Variants in RGS5 observed in about 807,000 individuals in gnomAD.
RGS5 encodes regulator of G protein signaling 5, also known as regulator of G-protein signalling 5.
RGS5 carries 20 observed loss-of-function variants against 18.9 expected under a neutral mutation model. That is an observed-to-expected ratio of 1.06 (90% CI 0.74 to 1.54). RGS5 has a LOEUF of 1.54. Ranked by LOEUF, RGS5 falls within the 40% of genes most tolerant of loss-of-function variation. The pLI is 0.00. For missense variants in RGS5, 201 were observed against 211.8 expected (o/e 0.95, Z 0.32); for synonymous variants, 57 against 76.2 (o/e 0.75, Z 1.31).
At chr1:163,288,972 C>A (rs1237477081) in intron 2 of RGS5, among the ~76,000 whole-genome samples, 1 of 152,128 alleles carries the variant, frequency 6.6e-6, no homozygotes, top group South Asian at 2.1e-4. Flanking sequence ...TTGGTATATT[C>A]CAGTATGACC....
At chr1:163,289,495 T>C (rs2101724316) in intron 2 of RGS5, among the ~76,000 whole-genome samples, 1 of 152,240 alleles carries the variant, frequency 6.6e-6, no homozygotes, top group South Asian at 2.1e-4. Flanking sequence ...TTCACCTTTT[T>C]AAATATCTTT....
At chr1:163,248,487 CT>C (rs1424072057) in intron 2 of RGS5, 1 of 152,126 alleles carries the variant, frequency 6.6e-6, no homozygotes, top group Non-Finnish European at 1.5e-5. Context: ...TATCCTTAAT[CT>C]TTATTTTACA....
chr1:163,290,781 T>C (rs1157837586), intron 2 of RGS5, among the ~76,000 whole-genome samples: 1 of 152,130 alleles, frequency 6.6e-6, no homozygotes, highest in Non-Finnish European at 1.5e-5. Context: ...ATATCTTCAC[T>C]AAATAGAGGA....
intron 2 of RGS5, among the ~76,000 whole-genome samples, chr1:163,274,147 C>T (rs982339374): frequency 1.3e-5 from 2 of 152,104 alleles, no homozygotes; most frequent in African/African-American, 4.8e-5. Context: ...CCTTTGTAAT[C>T]ATAATGAGCC....
chr1:163,292,082 CATG>C (rs1200736199), intron 2 of RGS5, among the ~76,000 whole-genome samples: 2 of 152,002 alleles, frequency 1.3e-5, no homozygotes, highest in Non-Finnish European at 2.9e-5. Flanking sequence ...AAACATGTGC[CATG>C]ATGGTTTGCT....
At chr1:163,261,142 C>A (rs562848635) in intron 2 of RGS5, among the ~76,000 whole-genome samples, 1 of 152,164 alleles carries the variant, frequency 6.6e-6, no homozygotes, top group Non-Finnish European at 1.5e-5. Context: ...ATGGTACAAA[C>A]GTTGTGTGCT....
intron 2 of RGS5, chr1:163,304,426 G>A (rs181590290): frequency 3.2e-4 from 49 of 152,270 alleles, no homozygotes; most frequent in African/African-American, 1.1e-3. Flanking sequence ...AAACTAATCT[G>A]AGCAAAGGTG....
chr1:163,184,322 C>T (rs375195190), intron 1 of RGS5, among the ~76,000 whole-genome samples: 104 of 149,860 alleles, frequency 6.9e-4, no homozygotes, highest in Middle Eastern at 3.4e-3. Flanking sequence ...AACACACCAC[C>T]AAGGGAAACA....
At chr1:163,262,133 T>C (rs1185955860) in intron 2 of RGS5, among the ~76,000 whole-genome samples, 1 of 148,570 alleles carries the variant, frequency 6.7e-6, no homozygotes, top group African/African-American at 2.5e-5. Context: ...GAAGAGCTGA[T>C]CACACTGAGT....
chr1:163,178,007 G>A (rs1658632684), intron 1 of RGS5, among the ~76,000 whole-genome samples: 7 of 152,118 alleles, frequency 4.6e-5, no homozygotes, highest in Admixed American at 3.9e-4. Flanking sequence ...GAGTGGCAAA[G>A]AAAGAAACAG....
At chr1:163,302,002 G>GTTT (rs35908469) in intron 2 of RGS5, among the ~76,000 whole-genome samples, 46,684 of 139,156 alleles carry the variant, frequency 0.34, 7,948 homozygotes, top group South Asian at 0.48. Context: ...AATTTTTCCT[G>GTTT]TTTTTTTTTT....
chr1:163,233,330 A>G (rs2101685920), intron 2 of RGS5, among the ~76,000 whole-genome samples: 1 of 152,302 alleles, frequency 6.6e-6, no homozygotes, highest in South Asian at 2.1e-4. Context: ...TCTCTTTGTA[A>G]TTAATGTGAT....
At chr1:163,155,832 G>A (rs1341516191) in intron 3 of RGS5, among the ~76,000 whole-genome samples, 1 of 151,916 alleles carries the variant, frequency 6.6e-6, no homozygotes, top group Non-Finnish European at 1.5e-5. Flanking sequence ...AACCCACCTC[G>A]CCAGGCATCC....
At chr1:163,231,977 T>TA (rs139089442) in intron 2 of RGS5, among the ~76,000 whole-genome samples, 13,029 of 151,156 alleles carry the variant, frequency 0.086, 1,491 homozygotes, top group African/African-American at 0.26. Context: ...GCAAAGAAAA[T>TA]AAAAAAAAAC....
chr1:163,288,744 T>TGG (rs1219116620), intron 2 of RGS5, among the ~76,000 whole-genome samples: 1 of 152,174 alleles, frequency 6.6e-6, no homozygotes, highest in South Asian at 2.1e-4. Context: ...ATCAGGAACT[T>TGG]TAGCCTCACA....
intron 2 of RGS5, among the ~76,000 whole-genome samples, chr1:163,231,262 C>T (rs995612045): frequency 6.6e-6 from 1 of 152,140 alleles, no homozygotes; most frequent in African/African-American, 2.4e-5. Context: ...TGTGCATTTG[C>T]ACACATTTAT....
At chr1:163,208,335 G>A (rs1455246843) in intron 1 of RGS5, among the ~76,000 whole-genome samples, 3 of 97,766 alleles carry the variant, frequency 3.1e-5, no homozygotes, top group Non-Finnish European at 3.8e-5. Flanking sequence ...GCGACAGAGC[G>A]AGACTCCGTC....
intron 1 of RGS5, among the ~76,000 whole-genome samples, chr1:163,188,242 A>G (rs1041845808): frequency 1.3e-5 from 2 of 152,318 alleles, no homozygotes; most frequent in Non-Finnish European, 2.9e-5. Context: ...AGGCATGCTA[A>G]ACATACAATC....
intron 2 of RGS5, among the ~76,000 whole-genome samples, chr1:163,236,184 A>G (rs921541030): frequency 2.0e-5 from 3 of 152,094 alleles, no homozygotes; most frequent in South Asian, 2.1e-4. Context: ...TTCGTCTCAT[A>G]TGTTATACAG....
Sources: allele counts gnomAD v4.1 joint callset (sites outside exome capture counted in the v4.1 genomes callset), GRCh38; gene constraint gnomAD v4.1.1; transcripts MANE v1.5; gene names NCBI Gene and HGNC (gene_info 2026-07-23, HGNC 2026-07-21).